The following TMEM132D variants were observed in gnomAD, a reference collection of about 807,000 sequenced individuals.
The protein encoded by TMEM132D is transmembrane protein 132D, also known as mature OL transmembrane protein.
TMEM132D carries 21 observed loss-of-function variants against 62.3 expected under a neutral mutation model. The observed-to-expected ratio is 0.34, with a 90% confidence interval of 0.24 to 0.49. The LOEUF (loss-of-function observed/expected upper bound fraction) is 0.49. Among genes scored for constraint, TMEM132D ranks in the 20% least tolerant of loss-of-function variants. The pLI is 0.99. For synonymous variants in TMEM132D, 621 were observed against 575.6 expected, an observed-to-expected ratio of 1.08 and a Z score of -1.13; for missense variants, 1,346 against 1,402.8, an observed-to-expected ratio of 0.96 and a Z score of 0.65.
At chr12:129,103,256 G>T (rs1421609872) in intron 5 of TMEM132D, among the ~76,000 whole-genome samples, 1 of 152,130 alleles carries the variant, frequency 6.6e-6, no homozygotes, top group East Asian at 1.9e-4. Flanking sequence ...ATGAGCATTA[G>T]GACAGTAATG....
intron 3 of TMEM132D, among the ~76,000 whole-genome samples, chr12:129,444,724 G>A (rs1379920937): frequency 2.6e-5 from 4 of 152,240 alleles, no homozygotes; most frequent in Admixed American, 2.6e-4. Context: ...ACATGCATAT[G>A]AAAAAGGCCC....
At chr12:129,505,640 T>C (rs1009698638) in intron 3 of TMEM132D, among the ~76,000 whole-genome samples, 1 of 152,168 alleles carries the variant, frequency 6.6e-6, no homozygotes, top group African/African-American at 2.4e-5. Flanking sequence ...CCCACTATTA[T>C]TGTGTTGCTG....
chr12:129,776,420 T>G (rs1870924476), intron 1 of TMEM132D, among the ~76,000 whole-genome samples: 1 of 150,438 alleles, frequency 6.6e-6, no homozygotes, highest in South Asian at 2.1e-4. Context: ...CTTCCAATGA[T>G]GCTTTATTTT....
In TMEM132D at chr12:129,285,539, A is replaced by AAGAG. The variant is rs796604631; in HGVS notation, c.1299+52091_1299+52094dup. ...GAGACTGTGTCTCAAAAAAAAAAAA[A>AAGAG]AGAGAGAGAGAGAGAGGCTCCCATT... On this transcript the variant is annotated intron_variant, in intron 4 of 8. Coordinates refer to ENST00000422113, the MANE Select transcript of TMEM132D (RefSeq NM_133448.3). Among the ~76,000 whole-genome samples, 292 of 89,740 alleles carry AAGAG rather than the reference A, an allele frequency of 3.3e-3. 3 individuals carry two copies. Among genetic ancestry groups the AAGAG allele is most frequent in the African/African-American group, 6.3e-3 (160 of 25,432 alleles). 58.9% of individuals were successfully genotyped at this position (89,740 alleles called of 152,430 possible).
rs907034943 is a variant in TMEM132D at position 129,760,508 on chromosome 12, G to A, written c.80-59810C>T. Reference sequence around the variant, plus strand: ...CTCCACTACAGGCGCCCGCCTCCACGCCCGGCTGATTTTTGTATTTTTAGC... The same window carrying A: ...CTCCACTACAGGCGCCCGCCTCCACACCCGGCTGATTTTTGTATTTTTAGC... On this transcript the variant is annotated intron_variant, in intron 1 of 8. Transcript: ENST00000422113. Among the ~76,000 whole-genome samples the A allele has an allele frequency of 2.7e-5, 4 of 149,894 alleles. No individual in the cohort carries two copies. The South Asian group carries it at 6.3e-4, about 24-fold the overall frequency.
intron 4 of TMEM132D, among the ~76,000 whole-genome samples, chr12:129,252,617 G>A (rs1049681747): frequency 1.3e-5 from 2 of 152,186 alleles, no homozygotes; most frequent in Non-Finnish European, 2.9e-5. Context: ...TTCGACCATT[G>A]TGGAAGTCAG....
chr12:129,600,205 T>G (rs1006723690), intron 2 of TMEM132D, among the ~76,000 whole-genome samples: 5 of 152,222 alleles, frequency 3.3e-5, no homozygotes, highest in African/African-American at 7.2e-5. Flanking sequence ...TCACCAGGAG[T>G]AGATTCCATC....
intron 2 of TMEM132D, among the ~76,000 whole-genome samples, chr12:129,644,558 A>G (rs1879721827): frequency 6.6e-6 from 1 of 152,184 alleles, no homozygotes; most frequent in Admixed American, 6.5e-5. Flanking sequence ...CCTTAACCCT[A>G]AAAGTGGAAC....
At chr12:129,088,467 G>A (rs1433897090) in intron 5 of TMEM132D, among the ~76,000 whole-genome samples, 1 of 42,838 alleles carries the variant, frequency 2.3e-5, no homozygotes, top group South Asian at 8.1e-4. Context: ...CTCCATGACC[G>A]GGGTGTCCTC....
chr12:129,318,601 C>G (rs1002119070), intron 4 of TMEM132D, among the ~76,000 whole-genome samples: 1 of 152,134 alleles, frequency 6.6e-6, no homozygotes, highest in Non-Finnish European at 1.5e-5. Context: ...GTTTAATGCT[C>G]TATGTTTGTG....
At chr12:129,466,252 G>T (rs1873890254) in intron 3 of TMEM132D, among the ~76,000 whole-genome samples, 1 of 146,150 alleles carries the variant, frequency 6.8e-6, no homozygotes, top group African/African-American at 2.5e-5. Context: ...ACGGAGAACT[G>T]GTATAACAGT....
chr12:129,605,764 T>C (rs560280798), intron 2 of TMEM132D, among the ~76,000 whole-genome samples: 1 of 151,944 alleles, frequency 6.6e-6, no homozygotes, highest in Non-Finnish European at 1.5e-5. Flanking sequence ...AAACTGGCAA[T>C]GGCGTTTCTC....
intron 3 of TMEM132D, among the ~76,000 whole-genome samples, chr12:129,343,140 G>A (rs1302155278): frequency 3.3e-5 from 5 of 152,078 alleles, no homozygotes; most frequent in African/African-American, 7.2e-5. Context: ...TGTTTATTGC[G>A]GCACTATTCA....
intron 1 of TMEM132D, among the ~76,000 whole-genome samples, chr12:129,832,130 G>A (rs960284262): frequency 7.0e-6 from 1 of 143,002 alleles, no homozygotes; most frequent in Non-Finnish European, 1.5e-5. Flanking sequence ...CTCGTGATCC[G>A]CCCGTCTCAG....
chr12:129,860,604 A>C (rs977634459), intron 1 of TMEM132D, among the ~76,000 whole-genome samples: 1 of 152,178 alleles, frequency 6.6e-6, no homozygotes, highest in African/African-American at 2.4e-5. Flanking sequence ...CTCATAACCT[A>C]ATTTTATCTA....
chr12:129,879,643 G>A (rs767384273), intron 1 of TMEM132D, among the ~76,000 whole-genome samples: 4 of 152,194 alleles, frequency 2.6e-5, no homozygotes, highest in Admixed American at 6.5e-5. Flanking sequence ...GGAATTTGGC[G>A]ATGCCATAGA....
chr12:129,671,974 C>T (rs1371771891), intron 2 of TMEM132D, among the ~76,000 whole-genome samples: 1 of 152,156 alleles, frequency 6.6e-6, no homozygotes, highest in South Asian at 2.1e-4. Context: ...TTGGGCTGAG[C>T]CTGGCCGCTG....
At chr12:129,452,134 T>C (rs1435221737) in intron 3 of TMEM132D, among the ~76,000 whole-genome samples, 3 of 152,194 alleles carry the variant, frequency 2.0e-5, no homozygotes, top group Non-Finnish European at 2.9e-5. Flanking sequence ...TGATAGATGA[T>C]ACCTTTACAC....
At position 129,183,765 on chromosome 12, in the gene TMEM132D, C is replaced by T. The variant is rs1375984549; in HGVS notation, c.1443+25755G>A. Among the ~76,000 whole-genome samples, 3 of 150,406 alleles carry T rather than the reference C, an allele frequency of 2.0e-5. No individual in the cohort carries two copies. In the East Asian group the frequency reaches 5.9e-4, roughly 29 times the overall value. On this transcript the variant is annotated intron_variant, in intron 5 of 8. Transcript: ENST00000422113. ...GTGGCTGTCCCCTTGGGTAGGGACACGGATGATTCTTTGGAGCTGGGTAGT... is the reference window on the plus strand; with the variant it reads ...GTGGCTGTCCCCTTGGGTAGGGACATGGATGATTCTTTGGAGCTGGGTAGT...
Sources: gnomAD v4.1 joint callset for allele counts (sites outside exome capture counted in the v4.1 genomes callset) on GRCh38, gnomAD v4.1.1 for gene constraint, MANE v1.5 for transcripts, NCBI Gene and HGNC (gene_info 2026-07-23, HGNC 2026-07-21) for gene names.